The following PIK3R3 variants were observed in gnomAD, a reference collection of about 807,000 sequenced individuals.
The protein encoded by PIK3R3 is phosphatidylinositol 3-kinase regulatory subunit gamma.
Under a neutral mutation model 62.9 loss-of-function variants are expected in PIK3R3, and 64 were observed. The observed-to-expected ratio is 1.02, with a 90% CI of 0.83 to 1.25. The LOEUF is 1.25. Ranked by LOEUF, PIK3R3 falls within the 50% of genes most tolerant of loss-of-function variation. The pLI, the probability that PIK3R3 is intolerant of heterozygous loss-of-function variation, is 0.00. For missense variants in PIK3R3, 614 were observed against 561.6 expected, an observed-to-expected ratio of 1.09 and a Z score of -0.94; for synonymous variants, 165 against 189.0, an observed-to-expected ratio of 0.87 and a Z score of 1.04.
At chr1:46,150,726 A>ATTTTGCTG in the PIK3R3 span, among the ~76,000 whole-genome samples, 1 of 146,610 alleles carries the variant, frequency 6.8e-6, no homozygotes, top group East Asian at 2.0e-4. Flanking sequence ...CCCTCCCTTT[A>ATTTTGCTG]TTTTGCTGTG....
intron 1 of PIK3R3, among the ~76,000 whole-genome samples, chr1:46,088,745 A>G (rs1272837385): frequency 6.6e-6 from 1 of 152,168 alleles, no homozygotes; most frequent in African/African-American, 2.4e-5. Flanking sequence ...GAACTGAAGG[A>G]CACACATTTC....
At chr1:46,083,786 G>C (rs1650820022) in intron 1 of PIK3R3, among the ~76,000 whole-genome samples, 1 of 152,196 alleles carries the variant, frequency 6.6e-6, no homozygotes. Context: ...AATAACAAGT[G>C]TTGGTGAGGA....
intron 1 of PIK3R3, among the ~76,000 whole-genome samples, chr1:46,120,954 C>A (rs785494): frequency 0.46 from 69,632 of 151,964 alleles, 16,088 homozygotes; most frequent in East Asian, 0.62. Context: ...AGATACTTTT[C>A]CTCTTCTTTT....
At chr1:46,116,495 G>A (rs963863947) in intron 1 of PIK3R3, among the ~76,000 whole-genome samples, 2 of 151,958 alleles carry the variant, frequency 1.3e-5, no homozygotes, top group Non-Finnish European at 2.9e-5. Context: ...GCTAGCTTGG[G>A]TGACAGAGTT....
chr1:46,107,634 T>C (rs1046017515), intron 1 of PIK3R3, among the ~76,000 whole-genome samples: 1 of 152,188 alleles, frequency 6.6e-6, no homozygotes, highest in Non-Finnish European at 1.5e-5. Flanking sequence ...AAGACCATCC[T>C]ACCTATCCTT....
chr1:46,109,162 CAAAAA>C (rs758453256), intron 1 of PIK3R3, among the ~76,000 whole-genome samples: 131 of 70,152 alleles, frequency 1.9e-3, no homozygotes, highest in African/African-American at 5.6e-3. Context: ...GACTCTGTCT[CAAAAA>C]AAAAAAAAAA....
chr1:46,058,558 T>C (rs913270722), intron 6 of PIK3R3, among the ~76,000 whole-genome samples: 1 of 152,228 alleles, frequency 6.6e-6, no homozygotes, highest in Non-Finnish European at 1.5e-5. Flanking sequence ...AACCCATCTC[T>C]TGCGTCAGCA....
chr1:46,143,708 T>C, the PIK3R3 span, among the ~76,000 whole-genome samples: 1 of 152,122 alleles, frequency 6.6e-6, no homozygotes, highest in Admixed American at 6.6e-5. Context: ...GTATCAAATT[T>C]CTGGACTCAA....
At chr1:46,167,024 C>G in the PIK3R3 span, among the ~76,000 whole-genome samples, 2 of 152,232 alleles carry the variant, frequency 1.3e-5, no homozygotes, top group Non-Finnish European at 2.9e-5. Flanking sequence ...ACTCCGCGCC[C>G]GGCGCGGTTA....
At chr1:46,135,716 C>T (rs1300275959), upstream of PIK3R3, among the ~76,000 whole-genome samples, 1 of 152,110 alleles carries the variant, frequency 6.6e-6, no homozygotes, top group African/African-American at 2.4e-5. Context: ...GCCATCTGAG[C>T]GCACAATATT....
chr1:46,126,890 C>T (rs1265786052), intron 1 of PIK3R3, among the ~76,000 whole-genome samples: 3 of 151,960 alleles, frequency 2.0e-5, no homozygotes, highest in African/African-American at 4.8e-5. Context: ...TAAAGAGAAG[C>T]CCTTTGAGGT....
chr1:46,114,351 T>C (rs1436241436), intron 1 of PIK3R3, among the ~76,000 whole-genome samples: 1 of 152,192 alleles, frequency 6.6e-6, no homozygotes, highest in African/African-American at 2.4e-5. Context: ...CAGTCCTCTC[T>C]TCAGTGGACA....
At chr1:46,116,343 T>C (rs1654187038) in intron 1 of PIK3R3, among the ~76,000 whole-genome samples, 1 of 151,802 alleles carries the variant, frequency 6.6e-6, no homozygotes, top group Admixed American at 6.6e-5. Flanking sequence ...AGACGCCGTC[T>C]CTACAAAAAT....
chr1:46,150,816 T>C, the PIK3R3 span, among the ~76,000 whole-genome samples: 3 of 151,368 alleles, frequency 2.0e-5, no homozygotes, highest in Admixed American at 1.3e-4. Context: ...TTTTTTTTTT[T>C]TTTTTTTTTG....
chr1:46,133,033 G>T (rs925448585), upstream of PIK3R3: 3 of 1,024,814 alleles, frequency 2.9e-6, no homozygotes, highest in Non-Finnish European at 3.5e-6. Context: ...GGCTGAGGCC[G>T]GTTGCCGGAG....
chr1:46,043,003 A>C lies in PIK3R3; in HGVS notation c.*670T>G. The C allele has an allele frequency of 4.5e-6, 1 of 221,788 alleles. No homozygotes were observed. The highest frequency in any genetic ancestry group is 6.6e-5 in the East Asian group (1 of 15,092). The allele number at this position is 221,788 out of a possible 1,614,324, so 13.7% of individuals were successfully genotyped here. A position where few individuals can be genotyped will look rare whatever the true frequency, so the allele number is the denominator to read the frequency against. On this transcript the variant is annotated 3_prime_UTR_variant, in exon 10 of 10. Transcript: ENST00000262741. ...TTTTCCCATCAAACATTGGTCTGGCAACAAACTGTTTTGTTGGCTTCTGAA... is the reference window on the plus strand; with the variant it reads ...TTTTCCCATCAAACATTGGTCTGGCCACAAACTGTTTTGTTGGCTTCTGAA...
At chr1:46,162,362 T>C in the PIK3R3 span, among the ~76,000 whole-genome samples, 2 of 151,810 alleles carry the variant, frequency 1.3e-5, no homozygotes, top group Non-Finnish European at 2.9e-5. Flanking sequence ...TGTGTGCCTG[T>C]AGTTCCAGCT....
At chr1:46,125,307 A>G (rs1655001771) in intron 1 of PIK3R3, among the ~76,000 whole-genome samples, 1 of 152,162 alleles carries the variant, frequency 6.6e-6, no homozygotes, top group Non-Finnish European at 1.5e-5. Flanking sequence ...TGGCTTTTAC[A>G]TCATTTGATT....
intron 5 of PIK3R3, among the ~76,000 whole-genome samples, chr1:46,064,307 G>A (rs940025264): frequency 2.6e-5 from 4 of 152,258 alleles, no homozygotes; most frequent in Admixed American, 1.3e-4. Context: ...TTGGGAGGCC[G>A]AGATGGGCGG....
Sources: allele counts gnomAD v4.1 joint callset (sites outside exome capture counted in the v4.1 genomes callset), GRCh38; gene constraint gnomAD v4.1.1; transcripts MANE v1.5; gene names NCBI Gene and HGNC (gene_info 2026-07-23, HGNC 2026-07-21).